NRCAM: variants seen among roughly 807,000 people sequenced by gnomAD.
NRCAM encodes NgCAM-related cell adhesion molecule.
In NRCAM, 83 loss-of-function variants were observed where a neutral mutation model predicts 156.5. The observed-to-expected ratio is 0.53, with a 90% CI of 0.44 to 0.64. The LOEUF (loss-of-function observed/expected upper bound fraction) is 0.64. Ranked by LOEUF, NRCAM falls within the 30% of genes least tolerant of loss-of-function variation. NRCAM has a pLI of 0.00. For missense variants in NRCAM, 1,417 were observed against 1,597.3 expected, an observed-to-expected ratio of 0.89 and a Z score of 1.92; for synonymous variants, 538 against 563.9, an observed-to-expected ratio of 0.95 and a Z score of 0.65.
chr7:108,153,278 C>G (rs1257816031), intron 32 of NRCAM, among the ~76,000 whole-genome samples: 1 of 151,950 alleles, frequency 6.6e-6, no homozygotes, highest in Non-Finnish European at 1.5e-5. Flanking sequence ...TCCAAGAATG[C>G]AGGCTTATTT....
chr7:108,430,840 C>T (rs1824096697), intron 1 of NRCAM, among the ~76,000 whole-genome samples: 2 of 152,120 alleles, frequency 1.3e-5, no homozygotes, highest in South Asian at 2.1e-4. Flanking sequence ...AAGAGGTAGC[C>T]ATGGCTACCT....
intron 2 of NRCAM, among the ~76,000 whole-genome samples, chr7:108,395,131 T>C (rs1309309324): frequency 6.6e-6 from 1 of 152,228 alleles, no homozygotes; most frequent in African/African-American, 2.4e-5. Flanking sequence ...TGAGAAAATG[T>C]GAAGAGTCAT....
intron 3 of NRCAM, among the ~76,000 whole-genome samples, chr7:108,294,193 GTTTTTTTTTTTTTTTT>G (rs56717039): frequency 3.4e-5 from 3 of 87,958 alleles, no homozygotes; most frequent in African/African-American, 8.5e-5. Context: ...TTCTTTACTG[GTTTTTTTTTTTTTTTT>G]TTTTTTTTTT....
At chr7:108,435,440 C>A (rs576774074) in intron 1 of NRCAM, among the ~76,000 whole-genome samples, 9 of 152,178 alleles carry the variant, frequency 5.9e-5, no homozygotes, top group Admixed American at 3.3e-4. Flanking sequence ...CAAATAAGTA[C>A]CATGGTAGTT....
chr7:108,187,795 C>CA (rs1164813143), intron 20 of NRCAM, among the ~76,000 whole-genome samples: 90 of 147,270 alleles, frequency 6.1e-4, no homozygotes, highest in African/African-American at 1.8e-3. Context: ...ACTAAAAATA[C>CA]AAAAAAAAAA....
At position 108,149,798 on chromosome 7, in the gene NRCAM, T is replaced by A; in HGVS notation, c.*112A>T. On this transcript the variant is annotated 3_prime_UTR_variant, in exon 33 of 33. Transcript: ENST00000379028. ...TGTAACTATTCTCATAATACTAACA[T>A]ACAGCAGAAAATATACTCTCTACCC... The A allele has an allele frequency of 2.4e-6, 2 of 835,378 alleles. No individual in the cohort carries two copies. The highest frequency in any genetic ancestry group is 3.4e-5 in the South Asian group (2 of 58,430). The allele number at this position is 835,378 out of a possible 1,614,324, so 51.7% of individuals were successfully genotyped here. A position where few individuals can be genotyped will look rare whatever the true frequency, so the allele number is the denominator to read the frequency against.
chr7:108,223,037 T>C (rs528731030), intron 11 of NRCAM, among the ~76,000 whole-genome samples: 3 of 152,060 alleles, frequency 2.0e-5, no homozygotes, highest in Non-Finnish European at 2.9e-5. Flanking sequence ...GACCTGCCAA[T>C]AGGAAGTAGG....
At chr7:108,158,768 GTTTAA>G (rs1243806099) in intron 32 of NRCAM, among the ~76,000 whole-genome samples, 6 of 152,196 alleles carry the variant, frequency 3.9e-5, no homozygotes, top group African/African-American at 1.2e-4. Context: ...CTTTGTTTCT[GTTTAA>G]TTTAAACAAA....
At chr7:108,382,222 ATT>A (rs71137626) in intron 2 of NRCAM, among the ~76,000 whole-genome samples, 5 of 145,910 alleles carry the variant, frequency 3.4e-5, no homozygotes, top group Admixed American at 1.4e-4. Context: ...AGGAACAGAG[ATT>A]TTTTTTTTTT....
chr7:108,341,386 C>G (rs2099275447), intron 2 of NRCAM, among the ~76,000 whole-genome samples: 1 of 152,356 alleles, frequency 6.6e-6, no homozygotes, highest in African/African-American at 2.4e-5. Context: ...TCTTCCACAT[C>G]TGTCACTATC....
intron 2 of NRCAM, among the ~76,000 whole-genome samples, chr7:108,335,434 C>CTTTTT (rs58975301): frequency 0.027 from 1,892 of 69,646 alleles, 151 homozygotes; most frequent in East Asian, 0.065. Context: ...GTTCCACCTG[C>CTTTTT]TTTTTTTTTT....
intron 1 of NRCAM, among the ~76,000 whole-genome samples, chr7:108,447,439 T>C (rs1226001883): frequency 6.6e-6 from 1 of 151,740 alleles, no homozygotes; most frequent in African/African-American, 2.4e-5. Context: ...CTAATTTTTG[T>C]TTTTGTATTT....
Position 108,149,887 on chromosome 7 carries a change from A to C in NRCAM, c.*23T>G. ...TAGGATAAACATTCTAGAGAAATGG[A>C]ATATTGGCAAAGAGCTTAAAAATTA... On this transcript the variant is annotated 3_prime_UTR_variant, in exon 33 of 33. Coordinates refer to ENST00000379028, the MANE Select transcript of NRCAM (RefSeq NM_001037132.4). The C allele has an allele frequency of 6.3e-7, 1 of 1,577,308 alleles. No homozygotes were observed. The highest frequency in any genetic ancestry group is 8.7e-7 in the Non-Finnish European group (1 of 1,155,242).
intron 18 of NRCAM, 65 bp from the exon 19 acceptor site, chr7:108,191,348 C>A: frequency 8.3e-7 from 1 of 1,210,410 alleles, no homozygotes. Context: ...CAAGATAGCA[C>A]AAGATGACAA....
chr7:108,183,542 T>A (rs2064798084), intron 22 of NRCAM, among the ~76,000 whole-genome samples: 1 of 151,854 alleles, frequency 6.6e-6, no homozygotes. Context: ...GTGGCTCTTT[T>A]TTTTTCTTTT....
At chr7:108,349,988 C>T (rs555888873) in intron 2 of NRCAM, among the ~76,000 whole-genome samples, 3 of 152,288 alleles carry the variant, frequency 2.0e-5, no homozygotes, top group South Asian at 2.1e-4. Context: ...TTCCTCACAT[C>T]GGTGATCACG....
At chr7:108,357,078 C>G (rs761740182) in intron 2 of NRCAM, among the ~76,000 whole-genome samples, 1 of 152,210 alleles carries the variant, frequency 6.6e-6, no homozygotes, top group Non-Finnish European at 1.5e-5. Flanking sequence ...GCACCCAGAT[C>G]TTGGACTTCC....
chr7:108,163,666 T>G (rs1585549240), intron 30 of NRCAM, among the ~76,000 whole-genome samples: 1 of 150,816 alleles, frequency 6.6e-6, no homozygotes, highest in East Asian at 2.0e-4. Flanking sequence ...GAAGGGGAGG[T>G]GGATGGCATT....
At chr7:108,336,728 T>C (rs2154260106) in intron 2 of NRCAM, among the ~76,000 whole-genome samples, 1 of 152,294 alleles carries the variant, frequency 6.6e-6, no homozygotes, top group East Asian at 1.9e-4. Context: ...CATTGTAAAA[T>C]TCATGTAAAC....
Sources: allele counts gnomAD v4.1 joint callset (sites outside exome capture counted in the v4.1 genomes callset), GRCh38; gene constraint gnomAD v4.1.1; transcripts MANE v1.5; gene names NCBI Gene and HGNC (gene_info 2026-07-23, HGNC 2026-07-21).